Variants in HPSE2 observed in about 807,000 individuals in gnomAD.
HPSE2 encodes the protein heparanase 2 (inactive), also known as inactive heparanase-2.
HPSE2 carries 38 observed loss-of-function variants against 60.5 expected under a neutral mutation model. That is an observed-to-expected ratio of 0.63 (90% CI 0.48 to 0.82). The LOEUF (loss-of-function observed/expected upper bound fraction) is 0.82, where lower values mean the gene tolerates loss of function less well. Among genes scored for constraint, HPSE2 ranks in the 40% least tolerant of loss-of-function variants. The pLI is 0.00. For synonymous variants in HPSE2, 295 were observed against 293.2 expected, an observed-to-expected ratio of 1.01 and a Z score of -0.06; for missense variants, 713 against 740.4, an observed-to-expected ratio of 0.96 and a Z score of 0.43.
At chr10:98,841,627 T>C (rs1430839751) in intron 3 of HPSE2, among the ~76,000 whole-genome samples, 1 of 152,092 alleles carries the variant, frequency 6.6e-6, no homozygotes, top group Non-Finnish European at 1.5e-5. Context: ...AGAAATGTGG[T>C]TGTGAGTGAA....
the HPSE2 span, among the ~76,000 whole-genome samples, chr10:99,284,296 G>A: frequency 2.6e-5 from 4 of 152,194 alleles, no homozygotes; most frequent in African/African-American, 4.8e-5. Context: ...AATGACCTCA[G>A]TTGATAGAGT....
At chr10:98,504,569 G>A (rs968847670) in intron 9 of HPSE2, among the ~76,000 whole-genome samples, 4 of 152,032 alleles carry the variant, frequency 2.6e-5, no homozygotes, top group African/African-American at 9.7e-5. Context: ...GCCGGATCAC[G>A]AGGTCAGGAG....
intron 3 of HPSE2, among the ~76,000 whole-genome samples, chr10:98,754,728 T>G (rs79896980): frequency 0.013 from 1,980 of 148,824 alleles, 38 homozygotes; most frequent in African/African-American, 0.045. Flanking sequence ...AAAAAAAATT[T>G]GGGGTTAGAA....
intron 6 of HPSE2, among the ~76,000 whole-genome samples, chr10:98,670,697 C>T (rs1589610719): frequency 6.6e-6 from 1 of 152,294 alleles, no homozygotes. Context: ...ACTTAGAAAC[C>T]GATGTTATTC....
At chr10:98,994,980 T>C (rs1168731798) in intron 3 of HPSE2, among the ~76,000 whole-genome samples, 61 of 152,178 alleles carry the variant, frequency 4.0e-4, no homozygotes, top group Admixed American at 4.0e-3. Flanking sequence ...GTTTCTCATG[T>C]AGCCAAGATT....
At chr10:98,993,052 A>G (rs535744495) in intron 3 of HPSE2, among the ~76,000 whole-genome samples, 2 of 152,344 alleles carry the variant, frequency 1.3e-5, no homozygotes, top group Non-Finnish European at 2.9e-5. Flanking sequence ...TTTCTCATAT[A>G]TTAAGTTAGC....
chr10:98,537,602 C>T (rs1943323677), intron 9 of HPSE2, among the ~76,000 whole-genome samples: 1 of 152,172 alleles, frequency 6.6e-6, no homozygotes, highest in South Asian at 2.1e-4. Flanking sequence ...GAGAAGTGAC[C>T]TAGAAGGCAA....
chr10:98,536,107 G>A (rs1415439863), intron 9 of HPSE2, among the ~76,000 whole-genome samples: 1 of 152,178 alleles, frequency 6.6e-6, no homozygotes, highest in Non-Finnish European at 1.5e-5. Flanking sequence ...CTACCCCTTA[G>A]GAAGTCCTGC....
At chr10:98,691,325 T>C (rs1355500250) in intron 6 of HPSE2, among the ~76,000 whole-genome samples, 1 of 152,208 alleles carries the variant, frequency 6.6e-6, no homozygotes, top group Non-Finnish European at 1.5e-5. Context: ...TTTGGAGTAG[T>C]TGCAAACAGT....
chr10:98,873,711 A>G (rs776141663), intron 3 of HPSE2, among the ~76,000 whole-genome samples: 2 of 152,020 alleles, frequency 1.3e-5, no homozygotes, highest in Non-Finnish European at 2.9e-5. Context: ...AATGATTTCT[A>G]TTCTTTTGGG....
chr10:98,618,867 G>A (rs1413749935), intron 8 of HPSE2, among the ~76,000 whole-genome samples: 2 of 152,118 alleles, frequency 1.3e-5, no homozygotes, highest in Non-Finnish European at 2.9e-5. Flanking sequence ...GTGAGCCACG[G>A]TGCCTGGCTG....
At chr10:98,696,828 C>T (rs540596482) in intron 5 of HPSE2, among the ~76,000 whole-genome samples, 2 of 152,204 alleles carry the variant, frequency 1.3e-5, no homozygotes, top group Non-Finnish European at 2.9e-5. Flanking sequence ...CAACTCCAGG[C>T]TGTGCTTTTC....
chr10:99,069,581 T>C (rs1055662336), intron 3 of HPSE2, among the ~76,000 whole-genome samples: 4 of 150,896 alleles, frequency 2.7e-5, no homozygotes, highest in Admixed American at 6.7e-5. Flanking sequence ...TTCCCTCTTA[T>C]GTATTTACAT....
chr10:99,301,467 T>C, the HPSE2 span, among the ~76,000 whole-genome samples: 1 of 152,208 alleles, frequency 6.6e-6, no homozygotes, highest in African/African-American at 2.4e-5. Context: ...ACAAGGACTT[T>C]GGTCCCAAGG....
intron 3 of HPSE2, among the ~76,000 whole-genome samples, chr10:98,876,340 T>C (rs1952877203): frequency 6.6e-6 from 1 of 151,894 alleles, no homozygotes; most frequent in Non-Finnish European, 1.5e-5. Flanking sequence ...TGCTAGGCTG[T>C]TAGTTATAAA....
chr10:99,100,635 C>T (rs936257518), intron 3 of HPSE2, among the ~76,000 whole-genome samples: 2 of 152,138 alleles, frequency 1.3e-5, no homozygotes, highest in African/African-American at 4.8e-5. Flanking sequence ...TCAGGAAATA[C>T]AGATAACGCC....
intron 4 of HPSE2, among the ~76,000 whole-genome samples, chr10:98,727,717 A>G (rs1949124542): frequency 6.6e-6 from 1 of 152,026 alleles, no homozygotes; most frequent in African/African-American, 2.4e-5. Context: ...GAGCTAAAGG[A>G]AAGTATAATG....
chr10:99,233,197 C>T (rs1007681919), intron 1 of HPSE2, among the ~76,000 whole-genome samples: 50 of 30,150 alleles, frequency 1.7e-3, no homozygotes, highest in African/African-American at 0.015. Context: ...TTCTCCACTC[C>T]CGCACCACCA....
At chr10:98,653,228 T>C (rs1022976640) in intron 6 of HPSE2, among the ~76,000 whole-genome samples, 4 of 152,204 alleles carry the variant, frequency 2.6e-5, no homozygotes, top group South Asian at 2.1e-4. Flanking sequence ...ACTTTTAACC[T>C]ATCTGAGTCT....
Sources: allele counts gnomAD v4.1 joint callset (sites outside exome capture counted in the v4.1 genomes callset), GRCh38; gene constraint gnomAD v4.1.1; transcripts MANE v1.5; gene names NCBI Gene and HGNC (gene_info 2026-07-23, HGNC 2026-07-21).